The following APOLD1 variants were observed in gnomAD, a reference collection of about 807,000 sequenced individuals.
The protein encoded by APOLD1 is apolipoprotein L domain containing 1.
APOLD1 carries 22 observed loss-of-function variants against 15.3 expected under a neutral mutation model. The observed-to-expected ratio is 1.44, with a 90% CI of 1.03 to 2.05. The LOEUF (loss-of-function observed/expected upper bound fraction) is 2.05, where lower values mean the gene tolerates loss of function less well. Among genes scored for constraint, APOLD1 ranks in the 30% most tolerant of loss-of-function variants. The probability of loss-of-function intolerance (pLI) is 0.00; values close to 1 mark genes in which losing one functional copy is unlikely to be tolerated. For missense variants in APOLD1, 394 were observed against 353.5 expected (o/e 1.11, Z -0.92); for synonymous variants, 190 against 167.4 (o/e 1.13, Z -1.04).
At chr12:12,749,424 T>C (rs772404182) in intron 1 of APOLD1, among the ~76,000 whole-genome samples, 2 of 142,642 alleles carry the variant, frequency 1.4e-5, no homozygotes, top group Non-Finnish European at 3.1e-5. Flanking sequence ...GACCAGAGGC[T>C]ACTCCCTTTG....
At chr12:12,751,209 T>C (rs1395038994) in intron 1 of APOLD1, among the ~76,000 whole-genome samples, 2 of 152,022 alleles carry the variant, frequency 1.3e-5, no homozygotes, top group East Asian at 1.9e-4. Flanking sequence ...AAGGGTAACG[T>C]CATGAAGGTG....
At chr12:12,755,978 C>T (rs938454338) in intron 1 of APOLD1, among the ~76,000 whole-genome samples, 5 of 152,180 alleles carry the variant, frequency 3.3e-5, no homozygotes, top group African/African-American at 4.8e-5. Flanking sequence ...TTAAACTAAA[C>T]CTTTCTCTCT....
At chr12:12,773,095 A>C (rs780386805) in intron 1 of APOLD1, among the ~76,000 whole-genome samples, 4 of 152,154 alleles carry the variant, frequency 2.6e-5, no homozygotes, top group Non-Finnish European at 4.4e-5. Flanking sequence ...AGAAAAAAAA[A>C]TTATATGAAA....
At chr12:12,758,243 A>G (rs1946873277) in intron 1 of APOLD1, among the ~76,000 whole-genome samples, 1 of 151,394 alleles carries the variant, frequency 6.6e-6, no homozygotes, top group Non-Finnish European at 1.5e-5. Flanking sequence ...AACTAATTCA[A>G]TTATCTTAAA....
In APOLD1 at chr12:12,745,516, C is replaced by T. The variant is rs1030949155; in HGVS notation, c.96+19420C>T. Among the ~76,000 whole-genome samples, 45 of 151,854 alleles carry T rather than the reference C, an allele frequency of 3.0e-4. 1 individual carries two copies. The highest frequency in any genetic ancestry group is 9.9e-4 in the African/African-American group (41 of 41,238). On this transcript the variant is annotated intron_variant, in intron 1 of 1. Transcript: ENST00000326765. ...CTGCGCTCCAGCCTATGCAATAGAG[C>T]GAGACTGTCTCAGAAAAGAAAAGAC... is the stretch of plus-strand genomic sequence containing the variant.
intron 1 of APOLD1, among the ~76,000 whole-genome samples, chr12:12,768,204 A>C (rs1946955595): frequency 6.6e-6 from 1 of 152,204 alleles, no homozygotes; most frequent in Non-Finnish European, 1.5e-5. Flanking sequence ...AACAATTGAA[A>C]AGGTCACAGA....
intron 1 of APOLD1, among the ~76,000 whole-genome samples, chr12:12,769,385 CTTAA>C (rs1390282029): frequency 1.3e-5 from 2 of 152,114 alleles, no homozygotes; most frequent in Admixed American, 1.3e-4. Flanking sequence ...ATAATCACAA[CTTAA>C]TTACTGGAGC....
At chr12:12,763,497 A>C (rs1412339999) in intron 1 of APOLD1, among the ~76,000 whole-genome samples, 2 of 131,668 alleles carry the variant, frequency 1.5e-5, no homozygotes, top group Non-Finnish European at 3.2e-5. Flanking sequence ...CCAACCAGAA[A>C]TTGAAAATAT....
intron 1 of APOLD1, among the ~76,000 whole-genome samples, chr12:12,735,017 C>A (rs1207320345): frequency 2.0e-5 from 3 of 152,144 alleles, no homozygotes; most frequent in African/African-American, 7.2e-5. Flanking sequence ...AGGTGACTAA[C>A]TGAGGAAGCA....
chr12:12,744,048 G>C (rs148412105), intron 1 of APOLD1, among the ~76,000 whole-genome samples: 1 of 152,314 alleles, frequency 6.6e-6, no homozygotes, highest in East Asian at 1.9e-4. Context: ...GGGCGTGGTG[G>C]CTCATGCCTG....
chr12:12,764,781 G>C (rs377211707), intron 1 of APOLD1: 33 of 431,652 alleles, frequency 7.6e-5, no homozygotes, highest in African/African-American at 6.7e-4. Flanking sequence ...AGGTGGATGT[G>C]ATTCTCCATG....
At chr12:12,773,343 T>C (rs930514933) in intron 1 of APOLD1, among the ~76,000 whole-genome samples, 1 of 152,116 alleles carries the variant, frequency 6.6e-6, no homozygotes, top group Non-Finnish European at 1.5e-5. Flanking sequence ...GGAAGATTGC[T>C]TGAGGCCAGG....
At position 12,777,889 on chromosome 12, in the gene APOLD1, G is replaced by GTTTT. The variant is rs71436735; in HGVS notation, c.97-8987_97-8984dup. Among the ~76,000 whole-genome samples, 61 of 117,104 alleles carry GTTTT rather than the reference G, an allele frequency of 5.2e-4. 1 individual carries two copies. The highest frequency in any genetic ancestry group is 1.9e-3 in the African/African-American group (50 of 26,694). The allele number at this position is 117,104 out of a possible 152,430, so 76.8% of individuals were successfully genotyped here. On this transcript the variant is annotated intron_variant, in intron 1 of 1. Coordinates refer to the APOLD1 transcript ENST00000326765. ...AAATATCTTCTCTACAAGGAAAGGT[G>GTTTT]TTTTTTTTTTTTTTTTTTTTTTTTT...
At chr12:12,726,041 C>T (rs946493506) in exon 1 of APOLD1, 27 of 1,540,184 alleles carry the variant, frequency 1.8e-5, no homozygotes, top group Admixed American at 1.0e-4. Context: ...GCCAGGGGTA[C>T]TCGGAAGGCG....
upstream of APOLD1, among the ~76,000 whole-genome samples, chr12:12,781,863 G>T (rs1947084146): frequency 6.6e-6 from 1 of 151,930 alleles, no homozygotes; most frequent in African/African-American, 2.4e-5. Context: ...TTAAGTAGGG[G>T]CCTAAAGCAA....
intron 1 of APOLD1, among the ~76,000 whole-genome samples, chr12:12,749,455 C>G (rs745634552): frequency 5.9e-5 from 9 of 152,264 alleles, no homozygotes; most frequent in Non-Finnish European, 1.2e-4. Context: ...CCTTTTCTGC[C>G]CAGCAGATGG....
At chr12:12,769,339 GA>G (rs1281722247) in intron 1 of APOLD1, among the ~76,000 whole-genome samples, 1 of 151,314 alleles carries the variant, frequency 6.6e-6, no homozygotes, top group African/African-American at 2.4e-5. Context: ...GGAGGTCATA[GA>G]GTAAACCCCA....
chr12:12,734,747 A>G (rs1027742076), intron 1 of APOLD1, among the ~76,000 whole-genome samples: 2 of 152,258 alleles, frequency 1.3e-5, no homozygotes, highest in African/African-American at 2.4e-5. Context: ...CTAGAAAAAA[A>G]GCACGTGAAT....
chr12:12,757,945 T>C (rs2136384003), intron 1 of APOLD1, among the ~76,000 whole-genome samples: 1 of 148,434 alleles, frequency 6.7e-6, no homozygotes, highest in South Asian at 2.2e-4. Flanking sequence ...ATCTTTTTTT[T>C]TTTTTTTTTT....
Sources: allele counts gnomAD v4.1 joint callset (sites outside exome capture counted in the v4.1 genomes callset), GRCh38; gene constraint gnomAD v4.1.1; transcripts MANE v1.5; gene names NCBI Gene and HGNC (gene_info 2026-07-23, HGNC 2026-07-21).